The following ZNF185 variants were observed in gnomAD, a reference collection of about 807,000 sequenced individuals.
The protein encoded by ZNF185 is zinc finger protein 185.
A neutral mutation model predicts 58.6 loss-of-function variants in ZNF185; 56 were observed. That is an observed-to-expected ratio of 0.95 (90% CI 0.77 to 1.19). The LOEUF (loss-of-function observed/expected upper bound fraction) is 1.19, where lower values mean the gene tolerates loss of function less well. Among genes scored for constraint, ZNF185 ranks in the 50% most tolerant of loss-of-function variants. The pLI, the probability that ZNF185 is intolerant of heterozygous loss-of-function variation, is 0.00. For missense variants in ZNF185, 627 were observed against 573.5 expected (o/e 1.09, Z -0.95); for synonymous variants, 230 against 215.9 (o/e 1.07, Z -0.57).
intron 16 of ZNF185, 98 bp from the exon 19 acceptor site, chrX:152,959,601 C>A: frequency 1.0e-6 from 1 of 976,910 alleles, no homozygotes; most frequent in Non-Finnish European, 1.4e-6. Context: ...AGATGAGTCC[C>A]TCCAAGTCCA....
intron 7 of ZNF185, among the ~76,000 whole-genome samples, chrX:152,919,583 A>G (rs1556868428): frequency 8.9e-6 from 1 of 112,074 alleles, no homozygotes. Context: ...TCGTCCACAC[A>G]GGCCAGCAAA....
At chrX:152,913,440 G>A (rs1266450159), upstream of ZNF185, among the ~76,000 whole-genome samples, 1 of 112,604 alleles carries the variant, frequency 8.9e-6, no homozygotes, top group Non-Finnish European at 1.9e-5. Context: ...GGGCACGAGA[G>A]GGCAGCACTG....
At chrX:152,967,263 G>C in intron 20 of ZNF185, 25 bp downstream of exon 22, 1 of 1,187,274 alleles carries the variant, frequency 8.4e-7, no homozygotes, top group East Asian at 3.0e-5. Flanking sequence ...TTAGCACGGA[G>C]CTTGCACTTC....
At chrX:152,938,292 G>A (rs2125624223) in intron 15 of ZNF185, 129 bp downstream of exon 17, 8 of 604,134 alleles carry the variant, frequency 1.3e-5, no homozygotes, top group East Asian at 1.1e-4. Flanking sequence ...CACATAGCAA[G>A]GGCAGAAGCC....
At chrX:152,929,775 G>T (rs1941608734) in intron 12 of ZNF185, among the ~76,000 whole-genome samples, 1 of 112,071 alleles carries the variant, frequency 8.9e-6, no homozygotes, top group Admixed American at 9.4e-5. Context: ...AAGTAGTTAT[G>T]CCAGCCCCCT....
chrX:152,929,274 G>A (rs1556875307), intron 12 of ZNF185, among the ~76,000 whole-genome samples: 1 of 111,176 alleles, frequency 9.0e-6, no homozygotes, highest in Non-Finnish European at 1.9e-5. Flanking sequence ...CTCAGCCTCT[G>A]CCCTGGGGTG....
At chrX:152,945,536 A>G (rs1192167714) in intron 16 of ZNF185, 72 bp downstream of exon 18, 1 of 1,073,880 alleles carries the variant, frequency 9.3e-7, no homozygotes, top group African/African-American at 1.9e-5. Flanking sequence ...CCCACATGGG[A>G]ACCACTTCCC....
the ZNF185 span, among the ~76,000 whole-genome samples, chrX:152,906,370 T>C: frequency 8.8e-6 from 1 of 113,354 alleles, no homozygotes; most frequent in Non-Finnish European, 1.9e-5. Context: ...TCTGGGCCTC[T>C]GCCTCCATTA....
At chrX:152,941,560 C>T in intron 15 of ZNF185, 2 of 986,863 alleles carry the variant, frequency 2.0e-6, no homozygotes, top group African/African-American at 4.0e-5. Context: ...CGAATGCGCG[C>T]TCGCCACCAG....
At chrX:152,902,997 G>GTGAC in the ZNF185 span, among the ~76,000 whole-genome samples, 1 of 111,814 alleles carries the variant, frequency 8.9e-6, no homozygotes, top group East Asian at 2.8e-4. Flanking sequence ...GCAAGAAGGA[G>GTGAC]TGACTTCCTG....
rs782771536 is a variant in ZNF185 at position 152,938,198 on chromosome X, G to C, written c.1211+35G>C. The C allele has an allele frequency of 4.4e-6, 5 of 1,141,748 alleles. 1 individual carries two copies. In the South Asian group the frequency reaches 9.7e-5, roughly 22 times the overall value. 94.1% of individuals were successfully genotyped at this position (1,141,748 alleles called of 1,213,427 possible). On this transcript the variant is annotated intron_variant, in intron 15 of 22. Coordinates refer to ENST00000449285, the Ensembl canonical transcript of ZNF185. ...GAGCAGACAGTGCTGAACTTCTGGGGTGGAGAGAGGCAGCTTGGGCTGTGT... is the reference window on the plus strand; with the variant it reads ...GAGCAGACAGTGCTGAACTTCTGGGCTGGAGAGAGGCAGCTTGGGCTGTGT...
chrX:152,967,386 G>T lies in ZNF185; in HGVS notation c.1871+148G>T, dbSNP rs936117454. ...AGGTGAAGGACACTACCGTAGGGTG[G>T]TGCTTCCCTTGTTGGGATATCACAC... On this transcript the variant is annotated intron_variant, in intron 20 of 22. Coordinates refer to ENST00000449285, the Ensembl canonical transcript of ZNF185. 19 of 521,581 alleles carry T rather than the reference G, an allele frequency of 3.6e-5. No homozygotes were observed. In the South Asian group the frequency reaches 6.1e-4, roughly 17 times the overall value. The allele number at this position is 521,581 out of a possible 1,213,427, so 43.0% of individuals were successfully genotyped here.
At chrX:152,934,645 G>A (rs1462805162) in intron 14 of ZNF185, among the ~76,000 whole-genome samples, 2 of 111,714 alleles carry the variant, frequency 1.8e-5, no homozygotes, top group Non-Finnish European at 3.8e-5. Flanking sequence ...ACATCCTCCT[G>A]TACCCTTTAA....
At chrX:152,898,562 GTT>G in the ZNF185 span, among the ~76,000 whole-genome samples, 6 of 112,482 alleles carry the variant, frequency 5.3e-5, no homozygotes, top group African/African-American at 1.9e-4. Context: ...TGCTCTGAGA[GTT>G]GACTGCAGGC....
chrX:152,908,505 T>G, the ZNF185 span, among the ~76,000 whole-genome samples: 4 of 112,308 alleles, frequency 3.6e-5, no homozygotes, highest in Non-Finnish European at 7.5e-5. Context: ...AGTGTAGGGC[T>G]GCGGGAGTGG....
chrX:152,940,067 G>A (rs1004556241), intron 15 of ZNF185, among the ~76,000 whole-genome samples: 3 of 111,567 alleles, frequency 2.7e-5, no homozygotes, highest in Non-Finnish European at 3.8e-5. Flanking sequence ...ACAGGCGTGA[G>A]CCACTGTGCC....
At chrX:152,924,156 C>T (rs1188543896) in intron 11 of ZNF185, among the ~76,000 whole-genome samples, 2 of 111,679 alleles carry the variant, frequency 1.8e-5, no homozygotes, top group Non-Finnish European at 3.8e-5. Flanking sequence ...ACTCCGTCGC[C>T]CAGGCTGGAG....
intron 14 of ZNF185, among the ~76,000 whole-genome samples, chrX:152,936,984 AAGAAG>A: frequency 1.8e-5 from 2 of 111,689 alleles, no homozygotes; most frequent in Non-Finnish European, 3.8e-5. Flanking sequence ...GTACAATGGG[AAGAAG>A]CTGTGCATTC....
intron 7 of ZNF185, among the ~76,000 whole-genome samples, chrX:152,919,530 C>T (rs1603191726): frequency 9.0e-6 from 1 of 111,539 alleles, no homozygotes; most frequent in African/African-American, 3.3e-5. Context: ...GAGTGTGCCC[C>T]ATGCTGCTGA....
Sources: allele counts gnomAD v4.1 joint callset (sites outside exome capture counted in the v4.1 genomes callset), GRCh38; gene constraint gnomAD v4.1.1; transcripts MANE v1.5; gene names NCBI Gene and HGNC (gene_info 2026-07-23, HGNC 2026-07-21).